Variants in GRIK2 observed in about 807,000 individuals in gnomAD.
GRIK2 encodes glutamate ionotropic receptor kainate type subunit 2, also known as glutamate receptor ionotropic, kainate 2.
A neutral mutation model predicts 100.3 loss-of-function variants in GRIK2; 32 were observed. The observed-to-expected ratio is 0.32, with a 90% CI of 0.24 to 0.43. The LOEUF (loss-of-function observed/expected upper bound fraction) is 0.43. Ranked by LOEUF, GRIK2 falls within the 20% of genes least tolerant of loss-of-function variation. The pLI is 1.00. For missense variants in GRIK2, 843 were observed against 1,114.9 expected (o/e 0.76, Z 3.47); for synonymous variants, 417 against 389.4 (o/e 1.07, Z -0.83).
rs553572647 is a variant in GRIK2 at position 101,618,834 on chromosome 6, A to T, written c.116-3115A>T. On this transcript the variant is annotated intron_variant, in intron 2 of 16. Transcript: ENST00000369134. ...AAATAAATACTAAAGAAGAGTGGAT[A>T]TTGTAGACATTTTATCTTTTTCCTG... Among the ~76,000 whole-genome samples, 3 of 151,544 alleles carry T rather than the reference A, an allele frequency of 2.0e-5. No individual in the cohort carries two copies. The South Asian group carries it at 6.2e-4, about 31-fold the overall frequency.
intron 2 of GRIK2, among the ~76,000 whole-genome samples, chr6:101,594,778 T>C (rs1057351496): frequency 1.3e-5 from 2 of 151,746 alleles, no homozygotes; most frequent in African/African-American, 4.8e-5. Flanking sequence ...GACATATGAG[T>C]TATGTTTAAA....
intron 14 of GRIK2, among the ~76,000 whole-genome samples, chr6:101,958,783 G>C (rs190160106): frequency 1.3e-5 from 2 of 152,090 alleles, no homozygotes; most frequent in Admixed American, 6.5e-5. Context: ...ATTGAGATGA[G>C]CATATGGTTT....
chr6:101,697,205 C>T (rs6923409), intron 7 of GRIK2, among the ~76,000 whole-genome samples: 92,120 of 151,806 alleles, frequency 0.61, 30,407 homozygotes, highest in Non-Finnish European at 0.75. Flanking sequence ...TATATTATTG[C>T]CTCCTCTTAA....
At chr6:102,060,821 A>G (rs1358473882) in intron 16 of GRIK2, among the ~76,000 whole-genome samples, 1 of 150,646 alleles carries the variant, frequency 6.6e-6, no homozygotes, top group African/African-American at 2.4e-5. Context: ...TAATTATATA[A>G]TAATATCATA....
chr6:101,953,078 T>G (rs1217439313), intron 14 of GRIK2, among the ~76,000 whole-genome samples: 1 of 152,204 alleles, frequency 6.6e-6, no homozygotes, highest in Non-Finnish European at 1.5e-5. Flanking sequence ...AACTTTCATC[T>G]GTGTTTCAGT....
intron 7 of GRIK2, among the ~76,000 whole-genome samples, chr6:101,700,096 G>A (rs2128351862): frequency 6.6e-6 from 1 of 152,164 alleles, no homozygotes; most frequent in South Asian, 2.1e-4. Flanking sequence ...GCTGCAGTGA[G>A]CCGTGATCAT....
At chr6:101,478,747 A>C (rs1269142332) in intron 2 of GRIK2, among the ~76,000 whole-genome samples, 1 of 151,754 alleles carries the variant, frequency 6.6e-6, no homozygotes, top group Non-Finnish European at 1.5e-5. Context: ...GATGGTCTCG[A>C]TCTCCTGACC....
At chr6:101,769,916 A>G (rs968048370) in intron 7 of GRIK2, among the ~76,000 whole-genome samples, 5 of 152,184 alleles carry the variant, frequency 3.3e-5, no homozygotes, top group African/African-American at 1.2e-4. Context: ...GACCAATAAC[A>G]AGGTTATCGC....
chr6:101,709,631 T>C (rs2128358209), intron 7 of GRIK2, among the ~76,000 whole-genome samples: 1 of 151,950 alleles, frequency 6.6e-6, no homozygotes, highest in Non-Finnish European at 1.5e-5. Flanking sequence ...TATTCTCTAG[T>C]TAATATAGAA....
In GRIK2 at chr6:101,752,689, C is replaced by A. The variant is rs929008171; in HGVS notation, c.952-46959C>A. On this transcript the variant is annotated intron_variant, in intron 7 of 16. Transcript: ENST00000369134. ...TGGTAGAATTAGAATATTATGTAGT[C>A]ATTTGCGTTATTCCAAAAACAAACA... Among the ~76,000 whole-genome samples the A allele has an allele frequency of 2.0e-5, 3 of 152,040 alleles. 1 individual carries two copies. The highest frequency in any genetic ancestry group is 4.4e-5 in the Non-Finnish European group (3 of 68,006).
chr6:101,675,460 T>C (rs972527336), intron 4 of GRIK2, among the ~76,000 whole-genome samples: 1 of 152,150 alleles, frequency 6.6e-6, no homozygotes, highest in African/African-American at 2.4e-5. Context: ...AGTATAGAGA[T>C]GAGATTTTTA....
intron 4 of GRIK2, among the ~76,000 whole-genome samples, chr6:101,644,575 A>C (rs1781433551): frequency 6.6e-6 from 1 of 151,790 alleles, no homozygotes. Context: ...ATATCACTGG[A>C]CAGGTTGGAG....
At chr6:102,049,027 A>T (rs1771042012) in intron 15 of GRIK2, among the ~76,000 whole-genome samples, 1 of 152,208 alleles carries the variant, frequency 6.6e-6, no homozygotes, top group South Asian at 2.1e-4. Context: ...TATTTTTTTC[A>T]AAAATTGGTT....
At chr6:101,708,460 T>A (rs1356780682) in intron 7 of GRIK2, among the ~76,000 whole-genome samples, 1 of 151,660 alleles carries the variant, frequency 6.6e-6, no homozygotes, top group Non-Finnish European at 1.5e-5. Flanking sequence ...TGATATATAT[T>A]TTTTCATAAT....
chr6:101,654,908 T>C (rs746978356), intron 4 of GRIK2, among the ~76,000 whole-genome samples: 8 of 152,158 alleles, frequency 5.3e-5, no homozygotes, highest in Non-Finnish European at 1.2e-4. Context: ...AACAACTTAG[T>C]GTCTTTTACT....
At chr6:101,507,515 C>A (rs1249052035) in intron 2 of GRIK2, among the ~76,000 whole-genome samples, 1 of 151,994 alleles carries the variant, frequency 6.6e-6, no homozygotes, top group African/African-American at 2.4e-5. Flanking sequence ...TTACCTAAAT[C>A]TTTAAAGTTA....
At chr6:101,575,073 A>T (rs1466639792) in intron 2 of GRIK2, among the ~76,000 whole-genome samples, 2 of 151,732 alleles carry the variant, frequency 1.3e-5, no homozygotes, top group African/African-American at 4.8e-5. Context: ...CATATGATTT[A>T]TTCATATTTT....
At chr6:101,734,591 G>C (rs1470022462) in intron 7 of GRIK2, among the ~76,000 whole-genome samples, 3 of 152,196 alleles carry the variant, frequency 2.0e-5, no homozygotes, top group African/African-American at 7.2e-5. Context: ...CCATGACCCT[G>C]TCAAGTTGAC....
At chr6:101,418,834 G>A (rs1228904055) in intron 2 of GRIK2, among the ~76,000 whole-genome samples, 1 of 152,122 alleles carries the variant, frequency 6.6e-6, no homozygotes, top group Non-Finnish European at 1.5e-5. Flanking sequence ...AATAAAATGA[G>A]TCCTCAAACT....
Sources: allele counts gnomAD v4.1 joint callset (sites outside exome capture counted in the v4.1 genomes callset), GRCh38; gene constraint gnomAD v4.1.1; transcripts MANE v1.5; gene names NCBI Gene and HGNC (gene_info 2026-07-23, HGNC 2026-07-21).